Variants in PAK2 observed in about 807,000 individuals in gnomAD.
PAK2 encodes serine/threonine-protein kinase PAK 2.
A neutral mutation model predicts 65.9 loss-of-function variants in PAK2; 21 were observed. The ratio of observed to expected loss-of-function variants is 0.32; its 90% confidence interval spans 0.23 to 0.46. PAK2 has a LOEUF of 0.46. PAK2 is among the 20% of genes least tolerant of loss of function. PAK2 has a pLI of 1.00. For missense variants in PAK2, 324 were observed against 642.6 expected, an observed-to-expected ratio of 0.50 and a Z score of 5.36; for synonymous variants, 204 against 219.7, an observed-to-expected ratio of 0.93 and a Z score of 0.63.
intron 4 of PAK2, among the ~76,000 whole-genome samples, 171 bp from the exon 5 acceptor site, chr3:196,805,181 G>C (rs1715547613): frequency 6.6e-6 from 1 of 151,204 alleles, no homozygotes; most frequent in African/African-American, 2.4e-5. Context: ...TTCTTACCTT[G>C]GTCTTATATA....
chr3:196,742,406 A>G (rs1438859491), intron 1 of PAK2, among the ~76,000 whole-genome samples: 1 of 152,104 alleles, frequency 6.6e-6, no homozygotes, highest in Non-Finnish European at 1.5e-5. Flanking sequence ...TTTCAATTAT[A>G]CTTTTTAAGA....
chr3:196,774,067 A>G (rs1053402243), intron 1 of PAK2, among the ~76,000 whole-genome samples: 7 of 152,214 alleles, frequency 4.6e-5, no homozygotes, highest in African/African-American at 1.4e-4. Context: ...CTGTGGACAC[A>G]GTATGGTACC....
chr3:196,791,663 G>A lies in PAK2; in HGVS notation c.187+8830G>A, dbSNP rs1715072639. 2.0e-5 allele frequency among the ~76,000 whole-genome samples: 3 copies of A among 151,860 alleles called. No homozygotes were observed. The highest frequency in any genetic ancestry group is 4.8e-5 in the African/African-American group (2 of 41,354). On this transcript the variant is annotated intron_variant, in intron 2 of 14. Coordinates refer to ENST00000327134, the MANE Select transcript of PAK2 (RefSeq NM_002577.4). The surrounding 1 kb of genome is among the most constrained non-coding windows in gnomAD (Gnocchi z 4.0). ...TCCTGGGCCGGGCGTGGTGGCTCAC[G>A]CCTGTAATCCCAGCACTTTGGGAGG...
intron 13 of PAK2, among the ~76,000 whole-genome samples, chr3:196,826,297 G>A (rs572747149): frequency 5.3e-5 from 8 of 151,948 alleles, no homozygotes; most frequent in South Asian, 2.1e-4. Flanking sequence ...TCAGCCTCCC[G>A]AGTAGCTGGG....
At chr3:196,800,994 T>C (rs754108074) in intron 2 of PAK2, among the ~76,000 whole-genome samples, 1 of 152,100 alleles carries the variant, frequency 6.6e-6, no homozygotes, top group African/African-American at 2.4e-5. Flanking sequence ...GGAACTGATG[T>C]GTTGGAGTTC....
At chr3:196,748,174 G>A (rs1262451045) in intron 1 of PAK2, among the ~76,000 whole-genome samples, 4 of 152,028 alleles carry the variant, frequency 2.6e-5, no homozygotes, top group Non-Finnish European at 5.9e-5. Flanking sequence ...TTAATTAATA[G>A]ACTTTGCAGC....
chr3:196,760,409 C>G (rs909522902), intron 1 of PAK2, among the ~76,000 whole-genome samples: 10 of 152,106 alleles, frequency 6.6e-5, no homozygotes, highest in Non-Finnish European at 2.9e-5. Flanking sequence ...CACCACCACA[C>G]CCAGCTAATT....
chr3:196,800,630 G>A (rs1239002756), intron 2 of PAK2, among the ~76,000 whole-genome samples: 1 of 152,172 alleles, frequency 6.6e-6, no homozygotes, highest in Non-Finnish European at 1.5e-5. Flanking sequence ...GTCTGATAGT[G>A]GCATAAAGGC....
chr3:196,806,517 G>A (rs1032956444), intron 5 of PAK2, 62 bp from the exon 6 acceptor site: 5 of 990,724 alleles, frequency 5.0e-6, no homozygotes, highest in African/African-American at 1.6e-5. Flanking sequence ...GTTCATAAAG[G>A]GCGATAGTCG....
chr3:196,826,422 T>C (rs1290958660), intron 13 of PAK2, among the ~76,000 whole-genome samples: 1 of 152,064 alleles, frequency 6.6e-6, no homozygotes, highest in Non-Finnish European at 1.5e-5. Flanking sequence ...CCGGCCCGCC[T>C]TAGCCTCCCA....
In PAK2 at chr3:196,782,812, A is replaced by G; in HGVS notation, c.166A>G (p.Ile56Val). The change falls in exon 2 of 15, where the codon ATA becomes GTA. Residue 56 changes from isoleucine to valine, a missense_variant. By Grantham distance (29) the Ile-to-Val change is conservative. Around this residue, in one of 5 missense-constraint regions of PAK2, gnomAD observed 42 missense variants for 67.4 expected, o/e 0.62. Transcript: ENST00000327134. ...EKKPRHKIIS[I>V]FSGTEKGSKK... ...AAAGCCCAGGCATAAAATCATCTCC[A>G]TATTCTCAGGCACAGAGAAAGGTAA... 6.2e-7 allele frequency: 1 copy of G among 1,610,824 alleles called. No homozygotes were observed. Among genetic ancestry groups the G allele is most frequent in the Non-Finnish European group, 8.5e-7 (1 of 1,177,968 alleles).
rs1294206684 is a variant in PAK2, at chr3:196,830,291, C to A, written c.*1886C>A. The stretch of plus-strand genomic sequence containing the variant: ...AATGGTCTCTGTTTTCAATATAATT[C>A]TTGATTTCATTTTTCTCTGGAATAT... On this transcript the variant is annotated 3_prime_UTR_variant, in exon 15 of 15. Coordinates refer to ENST00000327134, the MANE Select transcript of PAK2 (RefSeq NM_002577.4). The A allele has an allele frequency of 6.6e-6, 1 of 151,994 alleles. No individual in the cohort carries two copies. The highest frequency in any genetic ancestry group is 2.4e-5 in the African/African-American group (1 of 41,370). 9.4% of individuals were successfully genotyped at this position (151,994 alleles called of 1,614,324 possible). A position where few individuals can be genotyped will look rare whatever the true frequency, so the allele number is the denominator to read the frequency against.
chr3:196,746,230 G>C (rs1442118168), intron 1 of PAK2, among the ~76,000 whole-genome samples: 2 of 152,154 alleles, frequency 1.3e-5, no homozygotes, highest in Admixed American at 1.3e-4. Context: ...TATTTTTACA[G>C]TTAGGGATGA....
chr3:196,818,519 A>G (rs1454165079), intron 12 of PAK2, among the ~76,000 whole-genome samples: 1 of 152,110 alleles, frequency 6.6e-6, no homozygotes. Flanking sequence ...GGTGTGCACC[A>G]CCACACCCAG....
At chr3:196,810,340 AAAT>A (rs1715735215) in intron 7 of PAK2, among the ~76,000 whole-genome samples, 1 of 152,096 alleles carries the variant, frequency 6.6e-6, no homozygotes, top group Admixed American at 6.6e-5. Context: ...AACCTAATGG[AAAT>A]AATGTGTCTT....
At chr3:196,825,452 G>C (rs369059307) in intron 13 of PAK2, among the ~76,000 whole-genome samples, 2 of 151,688 alleles carry the variant, frequency 1.3e-5, no homozygotes, top group South Asian at 2.1e-4. Context: ...GACCAGCCTG[G>C]CCAACACAGT....
At chr3:196,812,443 A>G (rs57409172) in intron 9 of PAK2, among the ~76,000 whole-genome samples, 176 bp downstream of exon 9, 7,814 of 152,298 alleles carry the variant, frequency 0.051, 236 homozygotes, top group African/African-American at 0.077. Flanking sequence ...TATGAGTTCA[A>G]TGTCATAAAT....
In PAK2 at chr3:196,784,688, C is replaced by T. The variant is rs566739593; in HGVS notation, c.187+1855C>T. Among the ~76,000 whole-genome samples, 394 of 147,074 alleles carry T rather than the reference C, an allele frequency of 2.7e-3. 7 individuals are homozygous for T. The highest frequency in any genetic ancestry group is 9.0e-3 in the African/African-American group (357 of 39,476). ...TGTGAATAATGCCGCAATAAACATA[C>T]GTGTGCATGTGTCTTTATAGCAGCA... On this transcript the variant is annotated intron_variant, in intron 2 of 14. Transcript: ENST00000327134.
chr3:196,780,753 T>A (rs1440588617), intron 1 of PAK2, among the ~76,000 whole-genome samples: 1 of 152,238 alleles, frequency 6.6e-6, no homozygotes, highest in Non-Finnish European at 1.5e-5. Flanking sequence ...ATAAAAGCTG[T>A]AAGATTTGGT....
Sources: gnomAD v4.1 joint callset for allele counts (sites outside exome capture counted in the v4.1 genomes callset) on GRCh38, gnomAD v4.1.1 for gene constraint, gnomAD v4.1.1 regional missense constraint, Gnocchi (gnomAD v3.1) non-coding constraint, MANE v1.5 for transcripts, NCBI Gene and HGNC (gene_info 2026-07-23, HGNC 2026-07-21) for gene names.